The following PML variants were observed in gnomAD, a reference collection of about 807,000 sequenced individuals.
The protein encoded by PML is PML nuclear body scaffold.
In PML, 28 loss-of-function variants were observed where a neutral mutation model predicts 65.2. That is an observed-to-expected ratio of 0.43 (90% CI 0.32 to 0.59). The LOEUF (loss-of-function observed/expected upper bound fraction) is 0.59, where lower values mean the gene tolerates loss of function less well. Ranked by LOEUF, PML falls within the 20% of genes least tolerant of loss-of-function variation. The probability of loss-of-function intolerance (pLI) is 0.08; values close to 1 mark genes in which losing one functional copy is unlikely to be tolerated. For synonymous variants in PML, 500 were observed against 508.8 expected (o/e 0.98, Z 0.23); for missense variants, 1,021 against 1,203.4 (o/e 0.85, Z 2.24).
At chr15:74,021,563 C>A (rs1400397268) in intron 2 of PML, among the ~76,000 whole-genome samples, 2 of 150,700 alleles carry the variant, frequency 1.3e-5, no homozygotes. Context: ...CCAGCCTGGG[C>A]AACAAGAGCG....
At chr15:74,020,431 A>G (rs2070783864) in intron 2 of PML, among the ~76,000 whole-genome samples, 1 of 151,670 alleles carries the variant, frequency 6.6e-6, no homozygotes, top group Admixed American at 6.6e-5. Flanking sequence ...CTGGGATTAC[A>G]GGCGCACACC....
chr15:74,023,929 G>A (rs1012636347), intron 3 of PML, among the ~76,000 whole-genome samples: 5 of 152,154 alleles, frequency 3.3e-5, no homozygotes, highest in Non-Finnish European at 5.9e-5. Context: ...ACCTTTGCGC[G>A]CCCTGCCTAG....
chr15:74,015,950 T>G (rs992048706), intron 2 of PML, among the ~76,000 whole-genome samples: 1 of 152,176 alleles, frequency 6.6e-6, no homozygotes, highest in African/African-American at 2.4e-5. Flanking sequence ...ATGGGGAGAC[T>G]GAGAACCCAG....
intron 2 of PML, among the ~76,000 whole-genome samples, chr15:74,021,749 G>A (rs1413730891): frequency 1.3e-5 from 2 of 151,774 alleles, no homozygotes; most frequent in African/African-American, 4.8e-5. Context: ...AAAAAAAAAG[G>A]AAAGGAAAAC....
Position 74,037,044 on chromosome 15 carries a change from C to T in PML, c.1710+2514C>T. 1.0e-6 allele frequency: 1 copy of T among 985,468 alleles called. No homozygotes were observed. Among genetic ancestry groups the T allele is most frequent in the Non-Finnish European group, 1.2e-6 (1 of 829,938 alleles). 61.0% of individuals were successfully genotyped at this position (985,468 alleles called of 1,614,324 possible). ...CTGGAAGGACTCAGGAGCTTGTCGC[C>T]TCTGTGCTGCCACCTGGAGACCGAG... On this transcript the variant is annotated intron_variant, in intron 7 of 8. Coordinates refer to ENST00000268058, the MANE Select transcript of PML (RefSeq NM_033238.3). The surrounding 1 kb of genome is among the most constrained non-coding windows in gnomAD (Gnocchi z 4.2).
At chr15:74,001,224 C>A (rs926643606) in intron 2 of PML, among the ~76,000 whole-genome samples, 4 of 151,710 alleles carry the variant, frequency 2.6e-5, no homozygotes, top group Admixed American at 6.6e-5. Flanking sequence ...TTAATGTTTT[C>A]CTTCTTTCTG....
At position 74,045,227 on chromosome 15, in the gene PML, C is replaced by G. The variant is rs1227235087; in HGVS notation, c.*219C>G. ...AGCACCCATCACCCTAGGTGTGCAC[C>G]AGACTCCTATTAGCCCCTCCTTCCA... On this transcript the variant is annotated 3_prime_UTR_variant, in exon 9 of 9. Transcript: ENST00000268058. 5 of 565,840 alleles carry G rather than the reference C, an allele frequency of 8.8e-6. No individual in the cohort carries two copies. The highest frequency in any genetic ancestry group is 9.4e-6 in the Non-Finnish European group (3 of 320,630). The allele number at this position is 565,840 out of a possible 1,614,324, so 35.1% of individuals were successfully genotyped here.
At chr15:74,020,462 C>G (rs948728139) in intron 2 of PML, among the ~76,000 whole-genome samples, 7 of 151,830 alleles carry the variant, frequency 4.6e-5, no homozygotes, top group Admixed American at 2.6e-4. Context: ...ATTCTTATCA[C>G]TGCCGGTGAG....
chr15:74,012,874 T>C (rs773528679), intron 2 of PML, among the ~76,000 whole-genome samples: 7 of 152,208 alleles, frequency 4.6e-5, no homozygotes, highest in Non-Finnish European at 5.9e-5. Context: ...TCCTTGAGTC[T>C]CTTGGTGTTG....
At chr15:74,016,417 C>G (rs2070577983) in intron 2 of PML, among the ~76,000 whole-genome samples, 1 of 152,046 alleles carries the variant, frequency 6.6e-6, no homozygotes, top group Non-Finnish European at 1.5e-5. Flanking sequence ...AAAAAATTAA[C>G]AGTGTGGCTA....
At chr15:74,036,631 G>A (rs1250054635) in intron 7 of PML, among the ~76,000 whole-genome samples, 1 of 152,086 alleles carries the variant, frequency 6.6e-6, no homozygotes, top group African/African-American at 2.4e-5. Context: ...CTCTCAGGGT[G>A]GGCCCCATGC....
At chr15:74,040,102 C>T (rs565659815) in intron 7 of PML, among the ~76,000 whole-genome samples, 1 of 151,816 alleles carries the variant, frequency 6.6e-6, no homozygotes, top group Non-Finnish European at 1.5e-5. Context: ...CTGGCTCTCA[C>T]GAGGCTCAGC....
chr15:74,011,226 A>G (rs922216736), intron 2 of PML, among the ~76,000 whole-genome samples: 1 of 152,174 alleles, frequency 6.6e-6, no homozygotes, highest in South Asian at 2.1e-4. Context: ...CTCTCCCAGC[A>G]TTCCAAGCTA....
At chr15:74,044,028 G>A (rs1376136510) in intron 8 of PML, among the ~76,000 whole-genome samples, 193 bp from the exon 9 acceptor site, 3 of 152,152 alleles carry the variant, frequency 2.0e-5, no homozygotes, top group South Asian at 2.1e-4. Flanking sequence ...GGGCAGCCGA[G>A]CCTCCCCTTC....
intron 2 of PML, among the ~76,000 whole-genome samples, chr15:74,014,882 G>A (rs750563358): frequency 4.6e-5 from 7 of 152,176 alleles, no homozygotes; most frequent in African/African-American, 7.2e-5. Flanking sequence ...GGGAACCCAC[G>A]TGGCAGTGTA....
intron 8 of PML, 126 bp from the exon 9 acceptor site, chr15:74,044,095 C>T: frequency 1.2e-6 from 1 of 862,772 alleles, no homozygotes; most frequent in Non-Finnish European, 1.9e-6. Flanking sequence ...TGATGTGTGG[C>T]TACTGCCAGC....
intron 7 of PML, chr15:74,036,975 C>T: frequency 3.0e-6 from 3 of 985,440 alleles, no homozygotes; most frequent in Non-Finnish European, 3.6e-6. Context: ...CCCATTTCAT[C>T]CCATCTTTCA....
intron 7 of PML, among the ~76,000 whole-genome samples, chr15:74,041,101 A>G (rs903918082): frequency 1.4e-4 from 21 of 152,316 alleles, no homozygotes; most frequent in African/African-American, 4.6e-4. Context: ...AGGAACACAA[A>G]GGGGCATTTC....
chr15:73,997,339 G>A (rs2069557747), intron 1 of PML, among the ~76,000 whole-genome samples: 1 of 152,202 alleles, frequency 6.6e-6, no homozygotes, highest in African/African-American at 2.4e-5. Context: ...GAATCATACA[G>A]TGTTTGACCT....
Sources: allele counts gnomAD v4.1 joint callset (sites outside exome capture counted in the v4.1 genomes callset), GRCh38; gene constraint gnomAD v4.1.1; non-coding constraint Gnocchi (gnomAD v3.1); transcripts MANE v1.5; gene names NCBI Gene and HGNC (gene_info 2026-07-23, HGNC 2026-07-21).